NCBP1: variants seen among roughly 807,000 people sequenced by gnomAD.
The protein encoded by NCBP1 is nuclear cap-binding protein subunit 1.
A neutral mutation model predicts 111.7 loss-of-function variants in NCBP1; 16 were observed. That is an observed-to-expected ratio of 0.14 (90% CI 0.10 to 0.22). The LOEUF is 0.22. Among genes scored for constraint, NCBP1 ranks in the 10% least tolerant of loss-of-function variants. NCBP1 has a pLI of 1.00. For synonymous variants in NCBP1, 304 were observed against 314.3 expected, an observed-to-expected ratio of 0.97 and a Z score of 0.35; for missense variants, 607 against 957.5, an observed-to-expected ratio of 0.63 and a Z score of 4.83.
chr9:97,649,766 A>G (rs1321837652), intron 8 of NCBP1, among the ~76,000 whole-genome samples: 1 of 148,576 alleles, frequency 6.7e-6, no homozygotes, highest in Non-Finnish European at 1.5e-5. Flanking sequence ...AGGGGAAACT[A>G]GAATGGGACC....
At chr9:97,662,249 T>C in intron 17 of NCBP1, 105 bp downstream of exon 17, 2 of 811,270 alleles carry the variant, frequency 2.5e-6, no homozygotes. Context: ...AAGATCTTAA[T>C]AGTGTATAAT....
In NCBP1 at chr9:97,666,875, C is replaced by T. The variant is rs1480959894; in HGVS notation, c.2014C>T (p.Arg672Trp). Reference protein sequence around the residue: ...AKEKLARQHKRRSDDDDRSSD... With the variant: ...AKEKLARQHKWRSDDDDRSSD... ...AGAGAAACTTGCTAGGCAACACAAA[C>T]GGGTAAGTTTTGTGTAAACTTGTAA... The change falls in exon 20 of 23, where the codon CGG becomes TGG. Residue 672 changes from arginine to tryptophan, a missense_variant and splice_region_variant. Coordinates refer to ENST00000375147, the MANE Select transcript of NCBP1 (RefSeq NM_002486.5). The T allele has an allele frequency of 6.9e-6, 11 of 1,590,080 alleles. No homozygotes were observed. The highest frequency in any genetic ancestry group is 5.4e-5 in the African/African-American group (4 of 73,742).
intron 15 of NCBP1, among the ~76,000 whole-genome samples, chr9:97,659,625 CACTA>C (rs1474659969): frequency 2.0e-5 from 3 of 152,150 alleles, no homozygotes; most frequent in South Asian, 2.1e-4. Flanking sequence ...GGCGTAGGTG[CACTA>C]ACTGAGTGGC....
rs1199334585 is a variant in NCBP1 at position 97,664,589 on chromosome 9, A to G, written c.1901+146A>G. 3 of 549,208 alleles carry G rather than the reference A, an allele frequency of 5.5e-6. No individual in the cohort carries two copies. In the Admixed American group the frequency reaches 9.2e-5, roughly 17 times the overall value. 34.0% of individuals were successfully genotyped at this position (549,208 alleles called of 1,614,324 possible). Reference sequence around the variant, plus strand: ...TCTGGTAGGATTGGACATGGCAAAAATTCCTAGACAGTGGAAACATACACA... The same window carrying G: ...TCTGGTAGGATTGGACATGGCAAAAGTTCCTAGACAGTGGAAACATACACA... On this transcript the variant is annotated intron_variant, in intron 19 of 22. Transcript: ENST00000375147.
chr9:97,668,662 A>T (rs1197637075), intron 20 of NCBP1, among the ~76,000 whole-genome samples, 184 bp from the exon 21 acceptor site: 1 of 151,758 alleles, frequency 6.6e-6, no homozygotes, highest in African/African-American at 2.4e-5. Flanking sequence ...ATGAGAAGAC[A>T]GTGTCTCTGA....
chr9:97,652,058 C>T (rs538962289), intron 10 of NCBP1, among the ~76,000 whole-genome samples: 2 of 152,190 alleles, frequency 1.3e-5, no homozygotes, highest in South Asian at 4.1e-4. Flanking sequence ...GGCTGGAGGG[C>T]AGTAGCGTGA....
At position 97,660,931 on chromosome 9, in the gene NCBP1, C is replaced by T. The variant is rs756368788; in HGVS notation, c.1478-15C>T. 144 of 1,604,588 alleles carry T rather than the reference C, an allele frequency of 9.0e-5. No homozygotes were observed. Among genetic ancestry groups the T allele is most frequent in the Non-Finnish European group, 1.1e-4 (132 of 1,175,808 alleles). On this transcript the variant is annotated splice_polypyrimidine_tract_variant and intron_variant, in intron 15 of 22. Transcript: ENST00000375147. ...CCTGATCTGTCATTCCCCTTACCCCCAATTCTGTGTTTAGATTCTCTTCCT... is the reference window on the plus strand; with the variant it reads ...CCTGATCTGTCATTCCCCTTACCCCTAATTCTGTGTTTAGATTCTCTTCCT...
intron 17 of NCBP1, 88 bp downstream of exon 17, chr9:97,662,232 G>T: frequency 1.0e-6 from 1 of 963,174 alleles, no homozygotes; most frequent in South Asian, 1.4e-5. Flanking sequence ...TAAGATTGTT[G>T]AATATGAAGA....
chr9:97,669,072 A>T (rs992657009), intron 21 of NCBP1, 98 bp downstream of exon 21: 36 of 1,330,138 alleles, frequency 2.7e-5, no homozygotes, highest in Non-Finnish European at 3.7e-5. Flanking sequence ...AGGAATACAC[A>T]TTCATTTATA....
intron 1 of NCBP1, among the ~76,000 whole-genome samples, chr9:97,634,985 G>A (rs1826965028): frequency 6.6e-6 from 1 of 152,186 alleles, no homozygotes; most frequent in South Asian, 2.1e-4. Flanking sequence ...TTTATCATTT[G>A]CCAACGCTTA....
At chr9:97,653,119 C>CTT (rs57742118) in intron 10 of NCBP1, among the ~76,000 whole-genome samples, 3,395 of 123,518 alleles carry the variant, frequency 0.027, 260 homozygotes, top group African/African-American at 0.1. Context: ...TAAAAGAATT[C>CTT]TTTTTTTTTT....
intron 15 of NCBP1, among the ~76,000 whole-genome samples, 191 bp downstream of exon 15, chr9:97,658,934 AAATT>A (rs1409648325): frequency 2.0e-5 from 3 of 152,232 alleles, no homozygotes; most frequent in African/African-American, 7.2e-5. Context: ...GGTTGTGATA[AAATT>A]AATTACTACT....
chr9:97,667,764 T>A lies in NCBP1; in HGVS notation c.2016+887T>A, dbSNP rs143336325. Among the ~76,000 whole-genome samples, 61 of 152,344 alleles carry A rather than the reference T, an allele frequency of 4.0e-4. 1 individual carries two copies. The highest frequency in any genetic ancestry group is 1.3e-3 in the African/African-American group (55 of 41,580). On this transcript the variant is annotated intron_variant, in intron 20 of 22. Coordinates refer to ENST00000375147, the MANE Select transcript of NCBP1 (RefSeq NM_002486.5). ...TATTTTAGTTAAATACAATTTAACA[T>A]TCAGTTCTTTGGTCACACAACCATA...
At chr9:97,669,771 A>C (rs768131134) in intron 22 of NCBP1, 65 bp downstream of exon 22, 1 of 1,206,314 alleles carries the variant, frequency 8.3e-7, no homozygotes, top group Non-Finnish European at 1.2e-6. Flanking sequence ...TCATTAAAAA[A>C]AATCCTTGTC....
Position 97,641,625 on chromosome 9 carries a change from A to G in NCBP1, c.187A>G (p.Asn63Asp). Residue 63 changes from asparagine to aspartate, a missense_variant, in exon 3 of 23, where the codon AAC (asparagine) becomes GAC (aspartate). Asn to Asp is a conservative substitution (Grantham distance 23). Around this residue, in one of 9 missense-constraint regions of NCBP1, gnomAD observed 185 missense variants for 272.0 expected, o/e 0.68. Coordinates refer to ENST00000375147, the MANE Select transcript of NCBP1 (RefSeq NM_002486.5). ...LAGVLEADLPNYKSKILRLLC... is the reference protein window; with the variant it reads ...LAGVLEADLPDYKSKILRLLC... Reference sequence around the variant, plus strand: ...TGGTGTTTTGGAAGCTGATCTTCCTAACTACAAGAGCAAGATCTTAAGGCT... The same window carrying G: ...TGGTGTTTTGGAAGCTGATCTTCCTGACTACAAGAGCAAGATCTTAAGGCT... 6.2e-7 allele frequency: 1 copy of G among 1,609,558 alleles called. No homozygotes were observed. Among genetic ancestry groups the G allele is most frequent in the Non-Finnish European group, 8.5e-7 (1 of 1,176,392 alleles).
In NCBP1 at chr9:97,643,304, A is replaced by G; in HGVS notation, c.325A>G (p.Ile109Val). The G allele has an allele frequency of 2.5e-6, 4 of 1,609,364 alleles. No individual in the cohort carries two copies. The highest frequency in any genetic ancestry group is 3.4e-6 in the Non-Finnish European group (4 of 1,178,626). The change falls in exon 4 of 23, where the codon ATT becomes GTT. Residue 109 changes from isoleucine (I) to valine (V), a missense_variant. Coordinates refer to ENST00000375147, the MANE Select transcript of NCBP1 (RefSeq NM_002486.5). ...NFGGEFVEAM[I>V]RQLKESLKAN... is the part of the protein sequence containing the mutation. ...TGGTGGAGAATTTGTAGAAGCCATGATTCGTCAACTTAAAGAATCATTGAA... is the reference window on the plus strand; with the variant it reads ...TGGTGGAGAATTTGTAGAAGCCATGGTTCGTCAACTTAAAGAATCATTGAA...
chr9:97,657,824 T>C (rs1159897269), intron 14 of NCBP1, among the ~76,000 whole-genome samples: 1 of 151,306 alleles, frequency 6.6e-6, no homozygotes, highest in Non-Finnish European at 1.5e-5. Context: ...TTATAAACTA[T>C]GAGGATTATT....
At chr9:97,650,653 A>C in intron 9 of NCBP1, 53 bp downstream of exon 9, 3 of 1,492,244 alleles carry the variant, frequency 2.0e-6, no homozygotes, top group Non-Finnish European at 1.9e-6. Context: ...CAATTTTGAT[A>C]ATTCAGTAAG....
At position 97,659,971 on chromosome 9, in the gene NCBP1, C is replaced by T. The variant is rs1327225060; in HGVS notation, c.1478-975C>T. On this transcript the variant is annotated intron_variant, in intron 15 of 22. Transcript: ENST00000375147. ...TTGCCATTACCCCAGTCTGGAAAGC[C>T]CTTTCTAGCTCCACTTCCTTTTCTC... Among the ~76,000 whole-genome samples, 5 of 152,122 alleles carry T rather than the reference C, an allele frequency of 3.3e-5. No individual in the cohort carries two copies. In the South Asian group the frequency reaches 8.3e-4, roughly 25 times the overall value.
Sources: allele counts gnomAD v4.1 joint callset (sites outside exome capture counted in the v4.1 genomes callset), GRCh38; gene constraint gnomAD v4.1.1; regional missense constraint gnomAD v4.1.1; transcripts MANE v1.5; gene names NCBI Gene and HGNC (gene_info 2026-07-23, HGNC 2026-07-21).